Variants in WDFY3 observed in about 807,000 individuals in gnomAD.
The protein encoded by WDFY3 is WD repeat and FYVE domain containing 3.
Under a neutral mutation model 409.6 loss-of-function variants are expected in WDFY3, and 66 were observed. The ratio of observed to expected loss-of-function variants is 0.16; its 90% CI spans 0.13 to 0.20. The LOEUF (loss-of-function observed/expected upper bound fraction) is 0.20. Among genes scored for constraint, WDFY3 ranks in the 10% least tolerant of loss-of-function variants. WDFY3 has a pLI of 1.00. For synonymous variants in WDFY3, 1,521 were observed against 1,537.1 expected, an observed-to-expected ratio of 0.99 and a Z score of 0.25; for missense variants, 3,031 against 4,298.1, an observed-to-expected ratio of 0.71 and a Z score of 8.24.
At chr4:84,865,956 G>C (rs1441288662) in intron 3 of WDFY3, among the ~76,000 whole-genome samples, 1 of 152,068 alleles carries the variant, frequency 6.6e-6, no homozygotes, top group Non-Finnish European at 1.5e-5. Flanking sequence ...TGTATTCCCA[G>C]CTACTAGGGA....
intron 16 of WDFY3, among the ~76,000 whole-genome samples, chr4:84,802,835 A>G (rs187674128): frequency 1.6e-4 from 25 of 152,332 alleles, no homozygotes; most frequent in Admixed American, 4.6e-4. Flanking sequence ...AGGCAAGCCT[A>G]TTGTTTACAT....
chr4:84,755,722 AT>A (rs750715550), intron 33 of WDFY3, among the ~76,000 whole-genome samples: 1 of 152,222 alleles, frequency 6.6e-6, no homozygotes, highest in Non-Finnish European at 1.5e-5. Flanking sequence ...TATAGAACAA[AT>A]AAATTTAAGC....
chr4:84,789,921 G>C lies in WDFY3; in HGVS notation c.3488-14C>G, dbSNP rs781514051. ...TAAAATCATCAACTGAAATAAAGGGGGGAAGACATAAAAACTTTTTCCAAC... is the reference window on the plus strand; with the variant it reads ...TAAAATCATCAACTGAAATAAAGGGCGGAAGACATAAAAACTTTTTCCAAC... On this transcript the variant is annotated splice_polypyrimidine_tract_variant and intron_variant, in intron 21 of 67. Transcript: ENST00000295888. 6.2e-7 allele frequency: 1 copy of C among 1,612,700 alleles called. No homozygotes were observed. The highest frequency in any genetic ancestry group is 8.5e-7 in the Non-Finnish European group (1 of 1,179,288).
chr4:84,694,417 G>C (rs987967568), intron 58 of WDFY3, among the ~76,000 whole-genome samples: 12 of 152,174 alleles, frequency 7.9e-5, no homozygotes, highest in Non-Finnish European at 1.3e-4. Context: ...GCATCCAAAC[G>C]ATACTTCCCA....
intron 43 of WDFY3, 93 bp downstream of exon 43, chr4:84,734,950 C>A: frequency 9.5e-7 from 1 of 1,048,396 alleles, no homozygotes; most frequent in Non-Finnish European, 1.4e-6. Context: ...CCAGCAAGTA[C>A]CTTAAAATGG....
In WDFY3 at chr4:84,860,417, T is replaced by A; in HGVS notation, c.175A>T (p.Asn59Tyr). The A allele has an allele frequency of 6.2e-7, 1 of 1,612,376 alleles. No individual in the cohort carries two copies. The highest frequency in any genetic ancestry group is 2.2e-5 in the East Asian group (1 of 44,822). Residue 59 changes from asparagine (N) to tyrosine (Y), a missense_variant, in exon 4 of 68, where the codon AAC (asparagine) becomes TAC (tyrosine). Physicochemically the swap from Asn to Tyr is moderately radical, Grantham distance 143. Transcript: ENST00000295888. ...EKLYMMLPVF[N>Y]RVFGNAPPNT... is the part of the protein sequence containing the mutation. ...GTCTGGCAACCTGGACTTACCCTGT[T>A]AAACACTGGCAGCATCATATACAGT...
At chr4:84,881,060 C>T (rs1274974214) in intron 3 of WDFY3, among the ~76,000 whole-genome samples, 3 of 151,878 alleles carry the variant, frequency 2.0e-5, no homozygotes, top group Non-Finnish European at 4.4e-5. Flanking sequence ...AATTGTTTGT[C>T]ACATATACAC....
intron 1 of WDFY3, among the ~76,000 whole-genome samples, chr4:84,959,223 G>GT (rs1366387687): frequency 6.6e-6 from 1 of 151,744 alleles, no homozygotes; most frequent in Non-Finnish European, 1.5e-5. Context: ...GTTACAAAGA[G>GT]TTTTTTATAG....
chr4:84,966,041 G>A (rs1308016418), intron 1 of WDFY3, among the ~76,000 whole-genome samples, 168 bp downstream of exon 1: 2 of 151,950 alleles, frequency 1.3e-5, no homozygotes, highest in Non-Finnish European at 2.9e-5. Flanking sequence ...GGCGGACCCT[G>A]GGGAGGACAG....
chr4:84,902,250 C>A (rs1766438914), intron 2 of WDFY3, among the ~76,000 whole-genome samples: 1 of 152,046 alleles, frequency 6.6e-6, no homozygotes, highest in African/African-American at 2.4e-5. Context: ...TAAACTGTCA[C>A]CTGGAATTAA....
intron 21 of WDFY3, among the ~76,000 whole-genome samples, chr4:84,790,708 T>C (rs1748371540): frequency 6.6e-6 from 1 of 152,178 alleles, no homozygotes; most frequent in Non-Finnish European, 1.5e-5. Flanking sequence ...TAACTATGTA[T>C]TTCATAAGGC....
At chr4:84,688,782 G>A (rs1353078979) in intron 61 of WDFY3, among the ~76,000 whole-genome samples, 9 of 152,058 alleles carry the variant, frequency 5.9e-5, no homozygotes, top group Non-Finnish European at 8.8e-5. Flanking sequence ...TAGACAAAGC[G>A]AGAATGTAGT....
At chr4:84,711,403 A>G (rs1254354687) in intron 51 of WDFY3, among the ~76,000 whole-genome samples, 1 of 152,222 alleles carries the variant, frequency 6.6e-6, no homozygotes, top group East Asian at 1.9e-4. Context: ...ATACAAATTG[A>G]TAAGATCTCA....
At chr4:84,761,124 G>A (rs1042991161) in intron 32 of WDFY3, among the ~76,000 whole-genome samples, 2 of 152,084 alleles carry the variant, frequency 1.3e-5, no homozygotes, top group Non-Finnish European at 2.9e-5. Flanking sequence ...TTTTGAGTGA[G>A]TTTCTTAATC....
chr4:84,821,026 A>C, intron 11 of WDFY3, 58 bp downstream of exon 11: 3 of 1,441,644 alleles, frequency 2.1e-6, no homozygotes, highest in Non-Finnish European at 2.8e-6. Context: ...CAAGAACAAA[A>C]AATTCTCTGT....
At chr4:84,853,202 T>C (rs1018406568) in intron 4 of WDFY3, among the ~76,000 whole-genome samples, 1 of 152,062 alleles carries the variant, frequency 6.6e-6, no homozygotes, top group African/African-American at 2.4e-5. Flanking sequence ...GTTTTTGCTC[T>C]TGTTGCCCAG....
chr4:84,703,721 T>C (rs1021005405), intron 55 of WDFY3, among the ~76,000 whole-genome samples: 3 of 152,134 alleles, frequency 2.0e-5, no homozygotes, highest in African/African-American at 7.2e-5. Flanking sequence ...CTCTGACCAC[T>C]CTACTTAAAA....
At chr4:84,778,928 T>A (rs891300913) in intron 26 of WDFY3, among the ~76,000 whole-genome samples, 1 of 152,220 alleles carries the variant, frequency 6.6e-6, no homozygotes, top group Non-Finnish European at 1.5e-5. Context: ...AATTCCATTA[T>A]AAATATGTAA....
intron 39 of WDFY3, 160 bp from the exon 40 acceptor site, chr4:84,739,279 A>G (rs1737992418): frequency 1.6e-6 from 1 of 624,570 alleles, no homozygotes; most frequent in African/African-American, 1.8e-5. Flanking sequence ...GCCATTTTTA[A>G]GAGGTGATCA....
Sources: allele counts gnomAD v4.1 joint callset (sites outside exome capture counted in the v4.1 genomes callset), GRCh38; gene constraint gnomAD v4.1.1; transcripts MANE v1.5; gene names NCBI Gene and HGNC (gene_info 2026-07-23, HGNC 2026-07-21).